The following PARP12 variants were observed in gnomAD, a reference collection of about 807,000 sequenced individuals.
The protein encoded by PARP12 is protein mono-ADP-ribosyltransferase PARP12.
In PARP12, 59 loss-of-function variants were observed where a neutral mutation model predicts 72.4. That is an observed-to-expected ratio of 0.81 (90% CI 0.66 to 1.01). The LOEUF (loss-of-function observed/expected upper bound fraction) is 1.01, where lower values mean the gene tolerates loss of function less well. Ranked by LOEUF, PARP12 falls within the 50% of genes least tolerant of loss-of-function variation. PARP12 has a pLI of 0.00. For synonymous variants in PARP12, 403 were observed against 371.4 expected (o/e 1.09, Z -0.98); for missense variants, 851 against 914.0 (o/e 0.93, Z 0.89).
At chr7:140,032,474 G>C (rs1255473194) in intron 8 of PARP12, among the ~76,000 whole-genome samples, 3 of 152,002 alleles carry the variant, frequency 2.0e-5, no homozygotes, top group African/African-American at 7.3e-5. Context: ...ACCGCACCTG[G>C]CCATACCTCC....
rs780480976 is a variant in PARP12, at chr7:140,041,772, C to T, written c.1054G>A (p.Gly352Ser). The T allele has an allele frequency of 1.9e-6, 3 of 1,614,030 alleles. No homozygotes were observed. Among genetic ancestry groups the T allele is most frequent in the Admixed American group, 1.7e-5 (1 of 60,012 alleles). Reference protein sequence around the residue: ...HCLNFNAMTYGATQARRLSTA... With the variant: ...HCLNFNAMTYSATQARRLSTA... ...GAGAGGCGGCGAGCCTGGGTAGCAC[C>T]GTAAGTCATGGCGTTAAAGTTCAGA... Residue 352 changes from glycine to serine, a missense_variant, in exon 6 of 12, where the codon GGT (glycine) becomes AGT (serine). By Grantham distance (56) the Gly-to-Ser change is moderately conservative. Around this residue, in one of 3 missense-constraint regions of PARP12, gnomAD observed 492 missense variants for 489.3 expected, o/e 1.01. Transcript: ENST00000263549.
rs567887920 is a variant in PARP12 at position 140,033,539 on chromosome 7, G to A, written c.1421+696C>T. ...CATGCAGGCCACCTTCCCCCAATAT[G>A]TGGCTGTGTGGTTTGGAGAACACTG... On this transcript the variant is annotated intron_variant, in intron 8 of 11. Transcript: ENST00000263549. The A allele has an allele frequency of 1.4e-3, 1,426 of 985,394 alleles. 1 individual carries two copies. The highest frequency in any genetic ancestry group is 1.6e-3 in the Non-Finnish European group (1,366 of 829,932). The allele number at this position is 985,394 out of a possible 1,614,324, so 61.0% of individuals were successfully genotyped here.
At chr7:140,046,348 G>C (rs181723899) in intron 5 of PARP12, among the ~76,000 whole-genome samples, 1 of 152,114 alleles carries the variant, frequency 6.6e-6, no homozygotes, top group Non-Finnish European at 1.5e-5. Flanking sequence ...TGAAAAGAAG[G>C]CTATCCGGGA....
At position 140,041,596 on chromosome 7, in the gene PARP12, T is replaced by C. The variant is rs1161237972; in HGVS notation, c.1182+48A>G. 2.6e-6 allele frequency: 4 copies of C among 1,564,226 alleles called. No individual in the cohort carries two copies. The African/African-American group carries it at 5.4e-5, about 21-fold the overall frequency. Reference sequence around the variant, plus strand: ...TGGGGGCTCTTATTTGGCTCCTCTCTTACAGATCCTCAGGACAAAACATTC... The same window carrying C: ...TGGGGGCTCTTATTTGGCTCCTCTCCTACAGATCCTCAGGACAAAACATTC... On this transcript the variant is annotated intron_variant, in intron 6 of 11. Coordinates refer to ENST00000263549, the MANE Select transcript of PARP12 (RefSeq NM_022750.4).
At chr7:140,028,388 CA>C (rs1457542772) in intron 9 of PARP12, among the ~76,000 whole-genome samples, 5 of 152,198 alleles carry the variant, frequency 3.3e-5, no homozygotes, top group African/African-American at 4.8e-5. Flanking sequence ...CTCCACAAGA[CA>C]ACCCCTCCCC....
intron 8 of PARP12, chr7:140,033,462 A>C: frequency 1.0e-6 from 1 of 985,444 alleles, no homozygotes; most frequent in Non-Finnish European, 1.2e-6. Flanking sequence ...CTAAAGTCCC[A>C]GCACTGGCTC....
chr7:140,037,898 C>T (rs555029326), intron 6 of PARP12, 42 bp from the exon 7 acceptor site: 9 of 1,583,652 alleles, frequency 5.7e-6, no homozygotes, highest in Middle Eastern at 1.7e-4. Flanking sequence ...CAAGAAACTG[C>T]GTGATGAGGA....
intron 1 of PARP12, among the ~76,000 whole-genome samples, chr7:140,059,329 A>G (rs1817342129): frequency 6.6e-6 from 1 of 151,870 alleles, no homozygotes; most frequent in African/African-American, 2.4e-5. Flanking sequence ...TTATCATTAT[A>G]GGTTACATAT....
At chr7:140,045,822 C>T (rs565116239) in intron 5 of PARP12, among the ~76,000 whole-genome samples, 2 of 152,324 alleles carry the variant, frequency 1.3e-5, no homozygotes, top group East Asian at 3.9e-4. Flanking sequence ...CCTGTGCTTC[C>T]TCTGCCGGGA....
chr7:140,051,845 C>A (rs1816974724), intron 4 of PARP12, among the ~76,000 whole-genome samples: 1 of 152,198 alleles, frequency 6.6e-6, no homozygotes, highest in African/African-American at 2.4e-5. Flanking sequence ...GAGAAGGACC[C>A]TCTGGTGAAG....
intron 2 of PARP12, chr7:140,057,669 A>C (rs1000685817): frequency 3.7e-5 from 21 of 563,692 alleles, no homozygotes; most frequent in Non-Finnish European, 5.9e-5. Flanking sequence ...AATCAGCCCT[A>C]GTCGCACAGC....
intron 5 of PARP12, among the ~76,000 whole-genome samples, chr7:140,044,628 T>C (rs895637036): frequency 6.6e-6 from 1 of 152,166 alleles, no homozygotes; most frequent in Non-Finnish European, 1.5e-5. Flanking sequence ...TGGTAATTTG[T>C]TACAGCAGCC....
intron 9 of PARP12, chr7:140,027,707 G>C (rs1023072950): frequency 4.4e-6 from 1 of 229,628 alleles, no homozygotes; most frequent in Non-Finnish European, 9.0e-6. Flanking sequence ...CAGTTTCCAA[G>C]AACCTACTGA....
At chr7:140,058,862 AGGGTG>A (rs2116673832) in intron 1 of PARP12, among the ~76,000 whole-genome samples, 1 of 152,298 alleles carries the variant, frequency 6.6e-6, no homozygotes, top group Non-Finnish European at 1.5e-5. Context: ...CTAGGAGGCC[AGGGTG>A]GATGGATCAC....
At position 140,062,948 on chromosome 7, in the gene PARP12, A is replaced by G; in HGVS notation, c.-101T>C. The G allele has an allele frequency of 9.8e-7, 1 of 1,018,318 alleles. No homozygotes were observed. Among genetic ancestry groups the G allele is most frequent in the Non-Finnish European group, 1.2e-6 (1 of 807,110 alleles). 63.1% of individuals were successfully genotyped at this position (1,018,318 alleles called of 1,614,324 possible). ...CTCGCAGGGTGGAGACGCCGGCGGG[A>G]AACGAAACCGAAAGCGGCCCCGGGC... is the stretch of plus-strand genomic sequence containing the variant. On this transcript the variant is annotated 5_prime_UTR_variant, in exon 1 of 12. Coordinates refer to ENST00000263549, the MANE Select transcript of PARP12 (RefSeq NM_022750.4).
chr7:140,057,802 C>G, intron 2 of PARP12, 97 bp downstream of exon 2: 1 of 1,510,532 alleles, frequency 6.6e-7, no homozygotes, highest in Non-Finnish European at 8.9e-7. Context: ...CCAGAGATCA[C>G]CAAGGGCCCA....
chr7:140,032,291 G>A (rs1815968619), intron 8 of PARP12, among the ~76,000 whole-genome samples: 1 of 151,734 alleles, frequency 6.6e-6, no homozygotes, highest in Non-Finnish European at 1.5e-5. Flanking sequence ...AAAGGAATTT[G>A]GTTTACTTCC....
chr7:140,031,188 C>T (rs1815927318), intron 8 of PARP12, among the ~76,000 whole-genome samples: 1 of 152,100 alleles, frequency 6.6e-6, no homozygotes, highest in South Asian at 2.1e-4. Flanking sequence ...GGATGGGCAA[C>T]ATGGTGAGAC....
intron 4 of PARP12, among the ~76,000 whole-genome samples, chr7:140,049,103 C>T (rs1021244397): frequency 6.6e-6 from 1 of 150,912 alleles, no homozygotes. Context: ...TCTGCAAAAG[C>T]ACCTGGTGGG....
Sources: gnomAD v4.1 joint callset for allele counts (sites outside exome capture counted in the v4.1 genomes callset) on GRCh38, gnomAD v4.1.1 for gene constraint, gnomAD v4.1.1 regional missense constraint, MANE v1.5 for transcripts, NCBI Gene and HGNC (gene_info 2026-07-23, HGNC 2026-07-21) for gene names.